PARD3B: variants seen among roughly 807,000 people sequenced by gnomAD.
PARD3B encodes par-3 family cell polarity regulator beta.
A neutral mutation model predicts 130.2 loss-of-function variants in PARD3B; 103 were observed. The ratio of observed to expected loss-of-function variants is 0.79; its 90% confidence interval spans 0.67 to 0.93. The LOEUF (loss-of-function observed/expected upper bound fraction) is 0.93, where lower values mean the gene tolerates loss of function less well. Among genes scored for constraint, PARD3B ranks in the 40% least tolerant of loss-of-function variants. The pLI, the probability that PARD3B is intolerant of heterozygous loss-of-function variation, is 0.00. For synonymous variants in PARD3B, 583 were observed against 553.2 expected, an observed-to-expected ratio of 1.05 and a Z score of -0.76; for missense variants, 1,609 against 1,499.2, an observed-to-expected ratio of 1.07 and a Z score of -1.21.
intron 15 of PARD3B, among the ~76,000 whole-genome samples, chr2:205,225,591 A>C (rs757485349): frequency 7.2e-5 from 11 of 152,198 alleles, no homozygotes; most frequent in Non-Finnish European, 1.3e-4. Flanking sequence ...GAAGAAAAGA[A>C]GTTTAATTAA....
chr2:205,276,988 A>T lies in PARD3B; in HGVS notation c.2186-23542A>T, dbSNP rs1203625008. On this transcript the variant is annotated intron_variant, in intron 16 of 22. Coordinates refer to ENST00000406610, the MANE Select transcript of PARD3B (RefSeq NM_001302769.2). This position sits in a 1 kb window ranked among gnomAD's most constrained non-coding sequence, Gnocchi z 5.0. The stretch of plus-strand genomic sequence containing the variant: ...TTCTGGCACCTAGGACAACCTCCAT[A>T]CCTGCTAGTTGTTATGTTTGAGTGA... 2.0e-5 allele frequency among the ~76,000 whole-genome samples: 3 copies of T among 152,208 alleles called. No homozygotes were observed. Among genetic ancestry groups the T allele is most frequent in the Non-Finnish European group, 4.4e-5 (3 of 68,034 alleles).
chr2:205,243,562 AGCTAACATTTAGTAAGCTTGGTCACC>A (rs1185431447), intron 15 of PARD3B, among the ~76,000 whole-genome samples: 1 of 152,254 alleles, frequency 6.6e-6, no homozygotes, highest in East Asian at 1.9e-4. Flanking sequence ...ACAAAATTAT[AGCTAACATTTAGTAAGCTTGGTCACC>A]ACAGAAAGAT....
chr2:204,777,772 T>C, intron 2 of PARD3B, among the ~76,000 whole-genome samples: 1 of 152,110 alleles, frequency 6.6e-6, no homozygotes, highest in African/African-American at 2.4e-5. Context: ...TGTGATATGC[T>C]TTGGCTCTGT....
intron 20 of PARD3B, among the ~76,000 whole-genome samples, chr2:205,453,080 C>G (rs950204657): frequency 6.6e-6 from 1 of 152,108 alleles, no homozygotes; most frequent in Non-Finnish European, 1.5e-5. Flanking sequence ...TAAAATAACA[C>G]AAAGAGAATG....
chr2:204,727,960 G>A (rs969102941), intron 2 of PARD3B, among the ~76,000 whole-genome samples: 1 of 152,098 alleles, frequency 6.6e-6, no homozygotes, highest in Middle Eastern at 3.2e-3. Flanking sequence ...ATTGCAAAAG[G>A]GAGAGGCAGC....
chr2:204,764,393 A>G (rs780725685), intron 2 of PARD3B, among the ~76,000 whole-genome samples: 6 of 152,036 alleles, frequency 3.9e-5, no homozygotes, highest in Non-Finnish European at 7.4e-5. Context: ...TTTCTTATCT[A>G]TGTGGCAGTG....
chr2:204,950,582 G>A (rs536137242), intron 2 of PARD3B, among the ~76,000 whole-genome samples: 2 of 152,254 alleles, frequency 1.3e-5, no homozygotes, highest in East Asian at 3.9e-4. Context: ...ATTTGTGGGG[G>A]CCTTGGGAGA....
At chr2:205,164,466 C>CT (rs764028152) in intron 11 of PARD3B, among the ~76,000 whole-genome samples, 1 of 151,972 alleles carries the variant, frequency 6.6e-6, no homozygotes, top group Non-Finnish European at 1.5e-5. Context: ...GACCCCATCT[C>CT]TTTTTTTAAA....
intron 3 of PARD3B, among the ~76,000 whole-genome samples, chr2:205,029,320 G>A (rs1697264925): frequency 6.6e-6 from 1 of 152,010 alleles, no homozygotes; most frequent in African/African-American, 2.4e-5. Flanking sequence ...CTTTGACTCC[G>A]AGAGACATAA....
At chr2:205,308,773 A>G (rs1018641784) in intron 18 of PARD3B, among the ~76,000 whole-genome samples, 1 of 152,184 alleles carries the variant, frequency 6.6e-6, no homozygotes, top group Admixed American at 6.5e-5. Flanking sequence ...TCAATGGTCA[A>G]TTTACATGGT....
At chr2:205,387,990 T>C (rs1377129007) in intron 18 of PARD3B, among the ~76,000 whole-genome samples, 1 of 152,152 alleles carries the variant, frequency 6.6e-6, no homozygotes, top group East Asian at 1.9e-4. Flanking sequence ...CTTTATGTGA[T>C]AGGATCCAAA....
At chr2:205,206,485 C>A (rs1002471176) in intron 15 of PARD3B, among the ~76,000 whole-genome samples, 25 of 150,112 alleles carry the variant, frequency 1.7e-4, no homozygotes, top group African/African-American at 4.7e-4. Context: ...TCTGTTCTTG[C>A]GATAGTTTAC....
At chr2:205,611,079 TA>T (rs1357320636) in intron 22 of PARD3B, among the ~76,000 whole-genome samples, 2 of 152,162 alleles carry the variant, frequency 1.3e-5, no homozygotes, top group African/African-American at 4.8e-5. Flanking sequence ...CCATGCAGTA[TA>T]CAACCAGCCA....
intron 4 of PARD3B, among the ~76,000 whole-genome samples, chr2:205,087,173 C>G (rs1395823053): frequency 6.6e-6 from 1 of 152,106 alleles, no homozygotes; most frequent in Admixed American, 6.5e-5. Context: ...AAAGTACATC[C>G]AAACTGAATA....
At chr2:205,065,325 A>C (rs1700301852) in intron 4 of PARD3B, among the ~76,000 whole-genome samples, 1 of 152,230 alleles carries the variant, frequency 6.6e-6, no homozygotes. Flanking sequence ...AGTTGTAAAA[A>C]CAGAAACAAA....
chr2:205,480,439 G>A (rs897634237), intron 20 of PARD3B, among the ~76,000 whole-genome samples: 7 of 152,114 alleles, frequency 4.6e-5, no homozygotes, highest in African/African-American at 1.7e-4. Context: ...CACTGACCAC[G>A]GCTTGATATT....
At chr2:204,865,991 G>T (rs139576861) in intron 2 of PARD3B, among the ~76,000 whole-genome samples, 6 of 152,148 alleles carry the variant, frequency 3.9e-5, no homozygotes, top group Non-Finnish European at 5.9e-5. Flanking sequence ...CCTGCCTGTG[G>T]CCAGAGCTAG....
chr2:205,416,705 G>A (rs555773087), intron 19 of PARD3B, among the ~76,000 whole-genome samples: 21 of 152,014 alleles, frequency 1.4e-4, no homozygotes, highest in Non-Finnish European at 2.9e-4. Flanking sequence ...ATGGAAGATT[G>A]ATGCATTAAA....
chr2:204,646,912 A>G (rs10199785), intron 1 of PARD3B, among the ~76,000 whole-genome samples: 2,369 of 152,152 alleles, frequency 0.016, 47 homozygotes, highest in African/African-American at 0.054. Context: ...GAACACTTAC[A>G]TTATCCTACA....
Sources: gnomAD v4.1 joint callset for allele counts (sites outside exome capture counted in the v4.1 genomes callset) on GRCh38, gnomAD v4.1.1 for gene constraint, Gnocchi (gnomAD v3.1) non-coding constraint, MANE v1.5 for transcripts, NCBI Gene and HGNC (gene_info 2026-07-23, HGNC 2026-07-21) for gene names.